ZNF492: variants seen among roughly 807,000 people sequenced by gnomAD.
ZNF492 encodes zinc finger protein 492, also known as zinc finger protein 115 (Y20).
ZNF492 carries 3 observed loss-of-function variants against 6.4 expected under a neutral mutation model. The ratio of observed to expected loss-of-function variants is 0.47; its 90% CI spans 0.21 to 1.22. The LOEUF (loss-of-function observed/expected upper bound fraction) is 1.22, where lower values mean the gene tolerates loss of function less well. Among genes scored for constraint, ZNF492 ranks in the 50% most tolerant of loss-of-function variants. The pLI is 0.22. For synonymous variants in ZNF492, 112 were observed against 205.3 expected (o/e 0.55, Z 3.89); for missense variants, 356 against 612.5 (o/e 0.58, Z 4.42).
At position 22,664,218 on chromosome 19, in the gene ZNF492, C is replaced by G; in HGVS notation, c.549C>G (p.Asn183Lys). Reference sequence around the variant, plus strand: ...GGAAAGCCTATAATGAGACCTCAAACCTTTCTACACATAAAAGAATTCATA... The same window carrying G: ...GGAAAGCCTATAATGAGACCTCAAAGCTTTCTACACATAAAAGAATTCATA... Reference protein sequence around the residue: ...ECGKAYNETSNLSTHKRIHTG... With the variant: ...ECGKAYNETSKLSTHKRIHTG... Residue 183 changes from asparagine to lysine, a missense_variant, in exon 4 of 4, where the codon AAC becomes AAG. Physicochemically the swap from Asn to Lys is moderately conservative, Grantham distance 94. Around this residue, in one of 7 missense-constraint regions of ZNF492, gnomAD observed 196 missense variants for 219.4 expected, o/e 0.89. Coordinates refer to ENST00000456783, the MANE Select transcript of ZNF492 (RefSeq NM_020855.3). 6.2e-7 allele frequency: 1 copy of G among 1,612,872 alleles called. No homozygotes were observed. Among genetic ancestry groups the G allele is most frequent in the African/African-American group, 1.3e-5 (1 of 74,922 alleles).
chr19:22,664,758 A>G lies in ZNF492; in HGVS notation c.1089A>G (p.Lys363=), dbSNP rs200930901. 27,651 of 1,599,598 alleles carry G rather than the reference A, an allele frequency of 0.017. 242 individuals carry two copies. The highest frequency in any genetic ancestry group is 0.021 in the Non-Finnish European group (24,942 of 1,173,110). The change falls in exon 4 of 4, where the codon AAA becomes AAG. Residue 363 remains lysine (K), a synonymous_variant. Coordinates refer to ENST00000456783, the MANE Select transcript of ZNF492 (RefSeq NM_020855.3). ...ATAAGAGAATTCATGCTGGAGAGAA[A>G]TTCTACAAATGTGAAGTATGTAGCA... ...TTHKRIHAGE[K]FYKCEVCSKA... is the part of the protein sequence containing the mutation.
At chr19:22,654,219 C>A (rs956748941) in intron 3 of ZNF492, among the ~76,000 whole-genome samples, 21 of 152,046 alleles carry the variant, frequency 1.4e-4, no homozygotes, top group South Asian at 4.1e-4. Flanking sequence ...TTTTACTTTC[C>A]CTTTGGTGAT....
chr19:22,646,157 G>A (rs144379880), intron 1 of ZNF492, among the ~76,000 whole-genome samples: 12,344 of 152,204 alleles, frequency 0.081, 1,620 homozygotes, highest in African/African-American at 0.28. Flanking sequence ...CCATAAGGAT[G>A]GGATGTTTTT....
chr19:22,641,195 G>A (rs966655296), intron 1 of ZNF492, among the ~76,000 whole-genome samples: 15 of 152,122 alleles, frequency 9.9e-5, no homozygotes, highest in African/African-American at 3.6e-4. Flanking sequence ...ATGTCAGGTT[G>A]TTAAACTGAA....
At chr19:22,646,721 C>T (rs753837025) in intron 1 of ZNF492, among the ~76,000 whole-genome samples, 7 of 152,104 alleles carry the variant, frequency 4.6e-5, no homozygotes, top group Non-Finnish European at 8.8e-5. Flanking sequence ...GAGTTCTTAA[C>T]ATGAAAGAAA....
chr19:22,641,903 C>A (rs1351975007), intron 1 of ZNF492, among the ~76,000 whole-genome samples: 1 of 151,890 alleles, frequency 6.6e-6, no homozygotes, highest in Non-Finnish European at 1.5e-5. Flanking sequence ...ACGCCATTCT[C>A]CTGCCTCAGC....
Position 22,665,363 on chromosome 19 carries a change from C to G in ZNF492, c.*98C>G. The G allele has an allele frequency of 2.7e-6, 4 of 1,493,278 alleles. No homozygotes were observed. Among genetic ancestry groups the G allele is most frequent in the Non-Finnish European group, 2.7e-6 (3 of 1,122,418 alleles). 92.5% of individuals were successfully genotyped at this position (1,493,278 alleles called of 1,614,324 possible). On this transcript the variant is annotated 3_prime_UTR_variant, in exon 4 of 4. Coordinates refer to ENST00000456783, the MANE Select transcript of ZNF492 (RefSeq NM_020855.3). The stretch of plus-strand genomic sequence containing the variant: ...GAAAACTTCTACAAGTGTGAATGAA[C>G]AGTGTGGCAAAACTTACACAATGCT...
intron 1 of ZNF492, among the ~76,000 whole-genome samples, chr19:22,639,331 C>T (rs1467519753): frequency 1.3e-5 from 2 of 152,064 alleles, no homozygotes; most frequent in Admixed American, 1.3e-4. Context: ...TTTTGGCATG[C>T]ATGTTTTTGA....
rs189015719 is a variant in ZNF492, at chr19:22,637,116, C to T, written c.-94+2642C>T. Among the ~76,000 whole-genome samples, 636 of 151,000 alleles carry T rather than the reference C, an allele frequency of 4.2e-3. 5 individuals carry two copies. Among genetic ancestry groups the T allele is most frequent in the Non-Finnish European group, 5.8e-3 (392 of 67,856 alleles). On this transcript the variant is annotated intron_variant, in intron 1 of 3. Transcript: ENST00000456783. Reference sequence around the variant, plus strand: ...GATTACAGGCTCTTGCCACCACGCCCGGGTAATTTTTTGTGTTTTTATTTA... The same window carrying T: ...GATTACAGGCTCTTGCCACCACGCCTGGGTAATTTTTTGTGTTTTTATTTA...
Position 22,663,633 on chromosome 19 carries a change from A to T in ZNF492, c.131-167A>T, listed in dbSNP as rs556425518. 2.0e-5 allele frequency among the ~76,000 whole-genome samples: 3 copies of T among 152,268 alleles called. No individual in the cohort carries two copies. The South Asian group carries it at 6.2e-4, about 32-fold the overall frequency. Reference sequence around the variant, plus strand: ...CTTAACTTACTTTAATTTTTCAGAAATGTAATTTGTTCTGTATGCTTTTAT... The same window carrying T: ...CTTAACTTACTTTAATTTTTCAGAATTGTAATTTGTTCTGTATGCTTTTAT... On this transcript the variant is annotated intron_variant, in intron 3 of 3. Transcript: ENST00000456783.
At chr19:22,645,447 A>C (rs1285310232) in intron 1 of ZNF492, among the ~76,000 whole-genome samples, 1 of 152,032 alleles carries the variant, frequency 6.6e-6, no homozygotes, top group African/African-American at 2.4e-5. Context: ...TAGATTGTAA[A>C]ATTTTTCTCC....
chr19:22,647,726 A>ATTTTTTTT (rs1971896682), intron 1 of ZNF492, among the ~76,000 whole-genome samples: 12 of 78,328 alleles, frequency 1.5e-4, no homozygotes, highest in African/African-American at 7.5e-4. Flanking sequence ...TAGCTCTTTT[A>ATTTTTTTT]GTTTTTTTTT....
At chr19:22,647,550 C>T (rs1032403755) in intron 1 of ZNF492, among the ~76,000 whole-genome samples, 1 of 151,626 alleles carries the variant, frequency 6.6e-6, no homozygotes, top group Non-Finnish European at 1.5e-5. Context: ...AGGGGTGAGC[C>T]ACCACGCCTG....
At chr19:22,646,066 T>C (rs1971874409) in intron 1 of ZNF492, among the ~76,000 whole-genome samples, 1 of 152,176 alleles carries the variant, frequency 6.6e-6, no homozygotes, top group Non-Finnish European at 1.5e-5. Flanking sequence ...AGAATGTGAA[T>C]GGTAGTTTGA....
chr19:22,641,894 C>T (rs1225159400), intron 1 of ZNF492, among the ~76,000 whole-genome samples: 19 of 152,054 alleles, frequency 1.2e-4, no homozygotes, highest in Non-Finnish European at 8.8e-5. Context: ...CCCGGGTTCA[C>T]GCCATTCTCC....
intron 3 of ZNF492, among the ~76,000 whole-genome samples, chr19:22,659,664 G>GT (rs1568356633): frequency 1.4e-4 from 18 of 126,932 alleles, no homozygotes; most frequent in South Asian, 2.6e-4. Flanking sequence ...GTTTTTTTTT[G>GT]TTGTTTTTTT....
intron 1 of ZNF492, among the ~76,000 whole-genome samples, chr19:22,640,407 CT>C (rs1568351874): frequency 6.6e-6 from 1 of 152,178 alleles, no homozygotes; most frequent in Admixed American, 6.6e-5. Flanking sequence ...GGTGATCTGC[CT>C]GCTTTGGCTT....
intron 1 of ZNF492, among the ~76,000 whole-genome samples, chr19:22,636,513 TCTGTG>T (rs1003442256): frequency 7.8e-6 from 1 of 127,816 alleles, no homozygotes; most frequent in Non-Finnish European, 1.6e-5. Context: ...GACATGATCT[TCTGTG>T]TGTGTGTGTG....
chr19:22,664,389 T>TA lies in ZNF492; in HGVS notation c.721dup (p.Thr241AsnfsTer4), dbSNP rs1336291263. The stretch of plus-strand genomic sequence containing the variant: ...AAGCTTTTAACCAATCTGCAAACCT[T>TA]ACTACACATAAGAGAATTCATACTG... On this transcript the variant is annotated frameshift_variant, in exon 4 of 4. Transcript: ENST00000456783. LOFTEE classifies it low-confidence loss of function (END_TRUNC). 1 of 1,527,812 alleles carries TA rather than the reference T, an allele frequency of 6.5e-7. No individual in the cohort carries two copies. Among genetic ancestry groups the TA allele is most frequent in the Admixed American group, 2.1e-5 (1 of 48,720 alleles). The allele number at this position is 1,527,812 out of a possible 1,614,324, so 94.6% of individuals were successfully genotyped here. A position where few individuals can be genotyped will look rare whatever the true frequency, so the allele number is the denominator to read the frequency against.
Sources: gnomAD v4.1 joint callset for allele counts (sites outside exome capture counted in the v4.1 genomes callset) on GRCh38, gnomAD v4.1.1 for gene constraint, gnomAD v4.1.1 regional missense constraint, MANE v1.5 for transcripts, NCBI Gene and HGNC (gene_info 2026-07-23, HGNC 2026-07-21) for gene names.